ADARB2: variants seen among roughly 807,000 people sequenced by gnomAD.
ADARB2 encodes the protein inactive double-stranded RNA-specific editase B2.
In ADARB2, 25 loss-of-function variants were observed where a neutral mutation model predicts 62.2. That is an observed-to-expected ratio of 0.40 (90% CI 0.29 to 0.56). ADARB2 has a LOEUF of 0.56. Among genes scored for constraint, ADARB2 ranks in the 20% least tolerant of loss-of-function variants. The probability of loss-of-function intolerance (pLI) is 0.43; values close to 1 mark genes in which losing one functional copy is unlikely to be tolerated. For missense variants in ADARB2, 1,071 were observed against 1,077.4 expected, an observed-to-expected ratio of 0.99 and a Z score of 0.08; for synonymous variants, 572 against 500.8, an observed-to-expected ratio of 1.14 and a Z score of -1.90.
intron 1 of ADARB2, among the ~76,000 whole-genome samples, chr10:1,495,847 C>T (rs1270964194): frequency 6.6e-6 from 1 of 151,912 alleles, no homozygotes; most frequent in African/African-American, 2.4e-5. Context: ...TTGTCATCAA[C>T]ATTACCATCA....
At chr10:1,525,683 C>G (rs1253065136) in intron 1 of ADARB2, among the ~76,000 whole-genome samples, 1 of 152,186 alleles carries the variant, frequency 6.6e-6, no homozygotes, top group Non-Finnish European at 1.5e-5. Flanking sequence ...AAGACGCCCA[C>G]CATTTGCACA....
chr10:1,198,014 C>T lies in ADARB2; in HGVS notation c.1864+1952G>A, dbSNP rs75796782. ...TTCACTGAGAAGGACCAAGGGCAAACTCCTTTAGGCTATCTGTACTCAGGA... is the reference window on the plus strand; with the variant it reads ...TTCACTGAGAAGGACCAAGGGCAAATTCCTTTAGGCTATCTGTACTCAGGA... On this transcript the variant is annotated intron_variant, in intron 8 of 9. Transcript: ENST00000381312. Among the ~76,000 whole-genome samples, 485 of 152,322 alleles carry T rather than the reference C, an allele frequency of 3.2e-3. 4 individuals carry two copies. The highest frequency in any genetic ancestry group is 0.011 in the African/African-American group (460 of 41,578).
chr10:1,600,909 C>A lies in ADARB2; in HGVS notation c.100+136142G>T, dbSNP rs145350098. On this transcript the variant is annotated intron_variant, in intron 1 of 9. Transcript: ENST00000381312. ...ATGGCATTCTATGGTGGAGAGGAAG[C>A]AGCCAGCACGCAGCTCCTCAAGGCA... Among the ~76,000 whole-genome samples, 705 of 152,244 alleles carry A rather than the reference C, an allele frequency of 4.6e-3. 2 individuals carry two copies. Among genetic ancestry groups the A allele is most frequent in the African/African-American group, 0.016 (649 of 41,542 alleles).
At chr10:1,368,079 C>T (rs566082429) in intron 2 of ADARB2, among the ~76,000 whole-genome samples, 12 of 152,216 alleles carry the variant, frequency 7.9e-5, no homozygotes, top group South Asian at 2.1e-4. Flanking sequence ...ATTTCCCTGA[C>T]GTGGGAGCCC....
At position 1,386,093 on chromosome 10, in the gene ADARB2, C is replaced by T. The variant is rs191622583; in HGVS notation, c.101-6933G>A. Among the ~76,000 whole-genome samples, 708 of 152,056 alleles carry T rather than the reference C, an allele frequency of 4.7e-3. 2 individuals carry two copies. Among genetic ancestry groups the T allele is most frequent in the Middle Eastern group, 0.037 (11 of 294 alleles). The stretch of plus-strand genomic sequence containing the variant: ...TAATTATTCTGTTGCAAGTTTCTTC[C>T]TTTGATCATGAGGTAGTTGGCTATG... On this transcript the variant is annotated intron_variant, in intron 1 of 9. Coordinates refer to ENST00000381312, the MANE Select transcript of ADARB2 (RefSeq NM_018702.4).
intron 3 of ADARB2, among the ~76,000 whole-genome samples, chr10:1,351,487 T>C (rs1168752253): frequency 6.6e-6 from 1 of 151,936 alleles, no homozygotes; most frequent in Non-Finnish European, 1.5e-5. Context: ...TATCCCCACC[T>C]GCCCAGTTCC....
chr10:1,464,221 TGGGGACAGTCACAGCGGGCAGTGCGCC>T (rs1564297291), intron 1 of ADARB2, among the ~76,000 whole-genome samples: 3 of 75,090 alleles, frequency 4.0e-5, no homozygotes, highest in Admixed American at 2.8e-4. Flanking sequence ...ACACACGCGC[TGGGGACAGTCACAGCGGGCAGTGCGCC>T]GGAGAAGAGG....
chr10:1,404,719 G>A (rs971401253), intron 1 of ADARB2, among the ~76,000 whole-genome samples: 11 of 152,164 alleles, frequency 7.2e-5, no homozygotes, highest in South Asian at 2.1e-4. Flanking sequence ...AGTTCCTTCC[G>A]TTTGACCGGC....
chr10:1,305,805 A>G (rs1831621568), intron 3 of ADARB2, among the ~76,000 whole-genome samples: 1 of 152,224 alleles, frequency 6.6e-6, no homozygotes, highest in South Asian at 2.1e-4. Flanking sequence ...CAAACACCAC[A>G]TGATTATCTC....
chr10:1,399,622 G>A (rs972244067), intron 1 of ADARB2, among the ~76,000 whole-genome samples: 3 of 152,146 alleles, frequency 2.0e-5, no homozygotes, highest in Non-Finnish European at 4.4e-5. Context: ...GATGCTCTGT[G>A]GGGGTCGTCC....
intron 1 of ADARB2, among the ~76,000 whole-genome samples, chr10:1,585,736 C>G (rs1412210203): frequency 6.6e-6 from 1 of 152,204 alleles, no homozygotes; most frequent in East Asian, 1.9e-4. Context: ...TCCCTGAAAT[C>G]TATAAAACCA....
At chr10:1,412,519 A>T (rs1042458610) in intron 1 of ADARB2, among the ~76,000 whole-genome samples, 1 of 152,190 alleles carries the variant, frequency 6.6e-6, no homozygotes, top group African/African-American at 2.4e-5. Context: ...ATATCCATAC[A>T]TTCAAAAAAG....
intron 1 of ADARB2, among the ~76,000 whole-genome samples, chr10:1,582,224 T>C (rs1833113515): frequency 6.6e-6 from 1 of 152,174 alleles, no homozygotes; most frequent in Non-Finnish European, 1.5e-5. Context: ...GAGTTGTCTC[T>C]GGCCCAGCTA....
At chr10:1,226,698 A>G (rs1830750100) in intron 6 of ADARB2, among the ~76,000 whole-genome samples, 1 of 152,230 alleles carries the variant, frequency 6.6e-6, no homozygotes, top group African/African-American at 2.4e-5. Flanking sequence ...TTGCCTGGGT[A>G]TCTGCAGCGG....
chr10:1,434,947 T>C (rs1830817846), intron 1 of ADARB2, among the ~76,000 whole-genome samples: 1 of 152,244 alleles, frequency 6.6e-6, no homozygotes, highest in South Asian at 2.1e-4. Context: ...TTCATCTGCA[T>C]CTCGTTATTG....
chr10:1,628,672 A>T (rs1366843577), intron 1 of ADARB2, among the ~76,000 whole-genome samples: 1 of 152,246 alleles, frequency 6.6e-6, no homozygotes, highest in Admixed American at 6.5e-5. Context: ...AAAGAATTTG[A>T]ATCCTGAGCT....
At chr10:1,672,073 G>C (rs1834392560) in intron 1 of ADARB2, among the ~76,000 whole-genome samples, 1 of 151,840 alleles carries the variant, frequency 6.6e-6, no homozygotes, top group Non-Finnish European at 1.5e-5. Context: ...CCCCATCCCC[G>C]AGAGTCAGTG....
chr10:1,626,535 G>A (rs1313939069), intron 1 of ADARB2, among the ~76,000 whole-genome samples: 1 of 152,284 alleles, frequency 6.6e-6, no homozygotes, highest in East Asian at 1.9e-4. Flanking sequence ...CCCTCCTCCC[G>A]TGGCTGTGAA....
intron 4 of ADARB2, among the ~76,000 whole-genome samples, chr10:1,259,144 A>G (rs1014984707): frequency 3.3e-5 from 5 of 152,356 alleles, no homozygotes; most frequent in African/African-American, 1.2e-4. Flanking sequence ...GGACACATTC[A>G]AAGCAGTGTG....
Sources: gnomAD v4.1 joint callset for allele counts (sites outside exome capture counted in the v4.1 genomes callset) on GRCh38, gnomAD v4.1.1 for gene constraint, MANE v1.5 for transcripts, NCBI Gene and HGNC (gene_info 2026-07-23, HGNC 2026-07-21) for gene names.